FBN1: variants seen among roughly 807,000 people sequenced by gnomAD.
FBN1 encodes fibrillin 1.
In FBN1, 29 loss-of-function variants were observed where a neutral mutation model predicts 365.1. The observed-to-expected ratio is 0.08, with a 90% CI of 0.06 to 0.11. The LOEUF (loss-of-function observed/expected upper bound fraction) is 0.11. Ranked by LOEUF, FBN1 falls within the 10% of genes least tolerant of loss-of-function variation. FBN1 has a pLI of 1.00. For synonymous variants in FBN1, 1,210 were observed against 1,270.5 expected, an observed-to-expected ratio of 0.95 and a Z score of 1.01; for missense variants, 2,476 against 3,703.2, an observed-to-expected ratio of 0.67 and a Z score of 8.60.
At chr15:48,511,564 G>A (rs1411406162) in intron 13 of FBN1, among the ~76,000 whole-genome samples, 2 of 152,196 alleles carry the variant, frequency 1.3e-5, no homozygotes, top group East Asian at 1.9e-4. Context: ...TTTAAAGCTT[G>A]TCATTCAAAG....
chr15:48,497,026 T>C (rs1278198483), intron 19 of FBN1, among the ~76,000 whole-genome samples: 1 of 150,314 alleles, frequency 6.7e-6, no homozygotes, highest in African/African-American at 2.4e-5. Flanking sequence ...TGATACATCA[T>C]TATTTTAAGG....
rs16961274 is a variant in FBN1 at position 48,632,918 on chromosome 15, G to C, written c.164+11688C>G. Among the ~76,000 whole-genome samples, 2,308 of 152,282 alleles carry C rather than the reference G, an allele frequency of 0.015. 207 individuals carry two copies. The East Asian group carries it at 0.24, about 16-fold the overall frequency. On this transcript the variant is annotated intron_variant, in intron 2 of 65. Transcript: ENST00000316623. The stretch of plus-strand genomic sequence containing the variant: ...AATGGGATATAAAATTTGCAAACTT[G>C]AGGTCAGTGGCCTCAACTCTGGGGT...
chr15:48,544,020 T>C (rs2044077980), intron 6 of FBN1, among the ~76,000 whole-genome samples: 1 of 152,062 alleles, frequency 6.6e-6, no homozygotes, highest in Non-Finnish European at 1.5e-5. Flanking sequence ...AGAGCTATTA[T>C]GTGTATAAAA....
chr15:48,551,529 T>C (rs1871318077), intron 6 of FBN1, among the ~76,000 whole-genome samples: 1 of 152,052 alleles, frequency 6.6e-6, no homozygotes, highest in African/African-American at 2.4e-5. Flanking sequence ...TTTTTAACTT[T>C]TAGTTTAAGT....
chr15:48,616,733 C>T (rs1889661303), intron 2 of FBN1, among the ~76,000 whole-genome samples: 1 of 152,192 alleles, frequency 6.6e-6, no homozygotes, highest in African/African-American at 2.4e-5. Context: ...CACTCCAACA[C>T]ACACACACAA....
intron 31 of FBN1, among the ~76,000 whole-genome samples, chr15:48,482,199 A>C (rs2043470593): frequency 6.6e-6 from 1 of 152,204 alleles, no homozygotes; most frequent in South Asian, 2.1e-4. Context: ...GTAGTTTAAG[A>C]CTTCACTTCT....
chr15:48,569,332 A>C (rs1445152244), intron 6 of FBN1, among the ~76,000 whole-genome samples: 1 of 152,166 alleles, frequency 6.6e-6, no homozygotes, highest in South Asian at 2.1e-4. Flanking sequence ...TAGTTGTGAG[A>C]ATATGGAGAA....
chr15:48,547,761 A>G (rs2044107085), intron 6 of FBN1, among the ~76,000 whole-genome samples: 1 of 150,982 alleles, frequency 6.6e-6, no homozygotes, highest in African/African-American at 2.5e-5. Context: ...ACACACACAC[A>G]CACACACACA....
At chr15:48,472,293 C>T (rs1410221845) in intron 35 of FBN1, among the ~76,000 whole-genome samples, 1 of 152,134 alleles carries the variant, frequency 6.6e-6, no homozygotes, top group Admixed American at 6.5e-5. Context: ...CCCTCATTGA[C>T]CAATGGATAC....
At chr15:48,484,010 T>C in intron 30 of FBN1, 67 bp from the exon 31 acceptor site, 1 of 1,529,132 alleles carries the variant, frequency 6.5e-7, no homozygotes, top group Non-Finnish European at 9.0e-7. Flanking sequence ...GAGAAAACAT[T>C]AACTGACCGC....
chr15:48,456,794 G>C, intron 43 of FBN1, 32 bp from the exon 44 acceptor site: 1 of 1,604,874 alleles, frequency 6.2e-7, no homozygotes, highest in South Asian at 1.1e-5. Context: ...ATGAGTGACA[G>C]GACAGCACAT....
At chr15:48,418,648 C>G (rs1597511457) in intron 63 of FBN1, among the ~76,000 whole-genome samples, 1 of 152,110 alleles carries the variant, frequency 6.6e-6, no homozygotes, top group Admixed American at 6.5e-5. Flanking sequence ...TTTTACACTC[C>G]AAAATATTTG....
At chr15:48,474,777 T>G (rs1597554256) in intron 32 of FBN1, 127 bp from the exon 33 acceptor site, 2 of 1,147,164 alleles carry the variant, frequency 1.7e-6, no homozygotes, top group East Asian at 5.0e-5. Flanking sequence ...TGGTTTTGCA[T>G]CCATATATAA....
Position 48,516,195 on chromosome 15 carries a change from G to A in FBN1, c.1315C>T (p.Arg439Trp), listed in dbSNP as rs1195398902. 3.1e-6 allele frequency: 5 copies of A among 1,613,660 alleles called. No homozygotes were observed. The South Asian group carries it at 3.3e-5, about 11-fold the overall frequency. ...RPPVEYLYPSREPPRVLPVNV... is the reference protein window; with the variant it reads ...RPPVEYLYPSWEPPRVLPVNV... ...TTTGAATTCTTACTTGGTGGCTCCC[G>A]AGATGGATACAGATATTCCACTGGT... Residue 439 changes from arginine (R) to tryptophan (W), a missense_variant, in exon 11 of 66, where the codon CGG (arginine) becomes TGG (tryptophan). Transcript: ENST00000316623.
chr15:48,421,856 G>T, intron 61 of FBN1, 96 bp downstream of exon 61: 1 of 1,237,390 alleles, frequency 8.1e-7, no homozygotes, highest in Non-Finnish European at 1.2e-6. Context: ...ATTTCTTTGA[G>T]CTTTTATTTT....
chr15:48,485,252 A>C, intron 30 of FBN1, 122 bp downstream of exon 30: 1 of 1,255,872 alleles, frequency 8.0e-7, no homozygotes, highest in Non-Finnish European at 1.2e-6. Flanking sequence ...TTAAGGATAC[A>C]GTTAAAATAT....
intron 6 of FBN1, among the ~76,000 whole-genome samples, chr15:48,538,460 A>C (rs62011404): frequency 0.019 from 2,863 of 152,358 alleles, 44 homozygotes; most frequent in Non-Finnish European, 0.029. Flanking sequence ...AAGAGTGAGG[A>C]CACTGGTCTG....
chr15:48,569,795 A>G (rs1566929151), intron 6 of FBN1, among the ~76,000 whole-genome samples: 2 of 152,154 alleles, frequency 1.3e-5, no homozygotes, highest in Non-Finnish European at 2.9e-5. Context: ...GCTCTGGGAG[A>G]GAGCAAGGAT....
At chr15:48,469,077 A>T (rs1046279982) in intron 36 of FBN1, among the ~76,000 whole-genome samples, 10 of 103,376 alleles carry the variant, frequency 9.7e-5, no homozygotes, top group South Asian at 5.6e-4. Context: ...CAAAAAAAAA[A>T]AAATATATAT....
Sources: gnomAD v4.1 joint callset for allele counts (sites outside exome capture counted in the v4.1 genomes callset) on GRCh38, gnomAD v4.1.1 for gene constraint, MANE v1.5 for transcripts, NCBI Gene and HGNC (gene_info 2026-07-23, HGNC 2026-07-21) for gene names.